Variants in PCDHA4 observed in about 807,000 individuals in gnomAD.
The protein encoded by PCDHA4 is protocadherin alpha-4.
A neutral mutation model predicts 61.4 loss-of-function variants in PCDHA4; 49 were observed. The observed-to-expected ratio is 0.80, with a 90% confidence interval of 0.63 to 1.01. The LOEUF is 1.01. Ranked by LOEUF, PCDHA4 falls within the 50% of genes least tolerant of loss-of-function variation. The pLI is 0.00. For missense variants in PCDHA4, 1,254 were observed against 1,235.8 expected (o/e 1.01, Z -0.22); for synonymous variants, 590 against 550.3 (o/e 1.07, Z -1.01).
At chr5:140,961,981 T>G (rs1408145304) in intron 1 of PCDHA4, among the ~76,000 whole-genome samples, 1 of 152,076 alleles carries the variant, frequency 6.6e-6, no homozygotes, top group African/African-American at 2.4e-5. Context: ...CCTCCTGGGT[T>G]CACGCCATTG....
chr5:140,887,043 A>G (rs1459489169), intron 1 of PCDHA4, among the ~76,000 whole-genome samples: 1 of 151,986 alleles, frequency 6.6e-6, no homozygotes, highest in Admixed American at 6.6e-5. Context: ...TATTTTTTAT[A>G]GTGCATATGT....
chr5:140,991,172 G>T (rs2097436221), intron 3 of PCDHA4, among the ~76,000 whole-genome samples: 1 of 152,160 alleles, frequency 6.6e-6, no homozygotes, highest in Non-Finnish European at 1.5e-5. Flanking sequence ...CCATTGTCAA[G>T]CAGGATGCCT....
chr5:140,903,955 A>G (rs536986744), intron 1 of PCDHA4, among the ~76,000 whole-genome samples: 1 of 152,308 alleles, frequency 6.6e-6, no homozygotes, highest in Non-Finnish European at 1.5e-5. Context: ...CTGGAAAATT[A>G]TTTGTTGATT....
In PCDHA4 at chr5:140,927,241, A is replaced by T. The variant is rs781911240; in HGVS notation, c.2386-51708A>T. The stretch of plus-strand genomic sequence containing the variant: ...CAAGATTCGGATTCACGTCCTGGAC[A>T]CCAATGACAACTCACCTCTCTTTCC... On this transcript the variant is annotated intron_variant, in intron 1 of 3. Coordinates refer to ENST00000530339, the MANE Select transcript of PCDHA4 (RefSeq NM_018907.4). 3 of 1,613,966 alleles carry T rather than the reference A, an allele frequency of 1.9e-6. No homozygotes were observed. The Admixed American group carries it at 5.0e-5, about 27-fold the overall frequency.
intron 1 of PCDHA4, chr5:140,858,182 A>T: frequency 6.3e-7 from 1 of 1,597,504 alleles, no homozygotes. Flanking sequence ...GCTGGTGCTC[A>T]CGCTGCTGCT....
intron 1 of PCDHA4, chr5:140,864,797 G>C (rs868909450): frequency 1.3e-5 from 2 of 152,026 alleles, no homozygotes; most frequent in Non-Finnish European, 2.9e-5. Flanking sequence ...AATATTTTAG[G>C]GTAGGAAAAT....
At chr5:140,967,579 C>G in intron 1 of PCDHA4, 7 of 1,614,154 alleles carry the variant, frequency 4.3e-6, no homozygotes, top group South Asian at 1.1e-5. Context: ...AGGACTCACC[C>G]CCAGGCACAT....
Position 140,808,437 on chromosome 5 carries a change from G to C in PCDHA4, c.1250G>C (p.Ser417Thr). Residue 417 changes from serine to threonine, a missense_variant, in exon 1 of 4, where the codon AGC becomes ACC. By Grantham distance (58) the Ser-to-Thr change is moderately conservative (BLOSUM62 1). Transcript: ENST00000530339. Reference protein sequence around the residue: ...LVLDSALDRESVSAYELVVTA... With the variant: ...LVLDSALDRETVSAYELVVTA... ...CTGGACAGTGCCCTGGACCGCGAGA[G>C]CGTGTCAGCCTATGAGCTGGTGGTG... The C allele has an allele frequency of 6.2e-7, 1 of 1,614,178 alleles. No homozygotes were observed. Among genetic ancestry groups the C allele is most frequent in the Non-Finnish European group, 8.5e-7 (1 of 1,180,052 alleles).
At chr5:140,948,784 T>C (rs1486580473) in intron 1 of PCDHA4, among the ~76,000 whole-genome samples, 6 of 151,646 alleles carry the variant, frequency 4.0e-5, no homozygotes, top group African/African-American at 1.4e-4. Flanking sequence ...CTTTTGGCTT[T>C]GTTGATATAT....
chr5:140,888,324 T>C (rs1191192546), intron 1 of PCDHA4, among the ~76,000 whole-genome samples: 1 of 152,152 alleles, frequency 6.6e-6, no homozygotes, highest in East Asian at 1.9e-4. Flanking sequence ...CCTGGATACA[T>C]TTTTGGTTAT....
intron 1 of PCDHA4, among the ~76,000 whole-genome samples, chr5:140,901,267 T>G (rs2153472974): frequency 6.6e-6 from 1 of 152,344 alleles, no homozygotes; most frequent in East Asian, 1.9e-4. Context: ...TTGTGGGGTA[T>G]TACTCAAGAA....
chr5:141,009,132 G>A (rs2098400947), intron 3 of PCDHA4, among the ~76,000 whole-genome samples: 1 of 152,204 alleles, frequency 6.6e-6, no homozygotes, highest in African/African-American at 2.4e-5. Flanking sequence ...GTATCCTGGT[G>A]AAAAAACCTG....
chr5:140,827,472 T>G (rs2150147765), intron 1 of PCDHA4, among the ~76,000 whole-genome samples: 59 of 152,234 alleles, frequency 3.9e-4, no homozygotes, highest in Non-Finnish European at 6.9e-4. Flanking sequence ...TGATATTTAT[T>G]GAACAAAGAA....
At chr5:140,834,407 C>T (rs1554134157) in intron 1 of PCDHA4, 1 of 1,609,944 alleles carries the variant, frequency 6.2e-7, no homozygotes, top group East Asian at 2.2e-5. Context: ...ATGGATACGA[C>T]CCAGGGGGCC....
Position 140,807,199 on chromosome 5 carries a change from C to A in PCDHA4, c.12C>A (p.Ser4=). The A allele has an allele frequency of 6.2e-7, 1 of 1,613,498 alleles. No homozygotes were observed. The highest frequency in any genetic ancestry group is 8.5e-7 in the Non-Finnish European group (1 of 1,179,680). ...ACTGTGCACTAAAGATGGAGTTTTCCTGGGGAAGCGGCCAGGAATCCCGGC... is the reference window on the plus strand; with the variant it reads ...ACTGTGCACTAAAGATGGAGTTTTCATGGGGAAGCGGCCAGGAATCCCGGC... The part of the protein sequence containing the change: MEF[S]WGSGQESRRL... The change falls in exon 1 of 4, where the codon TCC becomes TCA. Residue 4 remains serine (S), a synonymous_variant. Coordinates refer to ENST00000530339, the MANE Select transcript of PCDHA4 (RefSeq NM_018907.4).
At chr5:140,823,018 G>A in intron 1 of PCDHA4, 1 of 1,614,236 alleles carries the variant, frequency 6.2e-7, no homozygotes, top group East Asian at 2.2e-5. Context: ...CCTGGACCGC[G>A]AGAGCGTGTC....
intron 1 of PCDHA4, chr5:140,861,660 G>A: frequency 3.7e-6 from 1 of 269,190 alleles, no homozygotes; most frequent in Non-Finnish European, 7.4e-6. Context: ...TCTGAAACGA[G>A]AGCTCTTGAT....
At position 140,808,956 on chromosome 5, in the gene PCDHA4, T is replaced by C. The variant is rs781916233; in HGVS notation, c.1769T>C (p.Val590Ala). Reference sequence around the variant, plus strand: ...CCATGGTCGGTGGGTGTGGGCCACGTGGTGGCAAAGGTGCGCGCGGTGGAT... The same window carrying C: ...CCATGGTCGGTGGGTGTGGGCCACGCGGTGGCAAAGGTGCGCGCGGTGGAT... ...LVPWSVGVGH[V>A]VAKVRAVDAD... is the part of the protein sequence containing the mutation. Residue 590 changes from valine (V) to alanine (A), a missense_variant, in exon 1 of 4, where the codon GTG (valine) becomes GCG (alanine). Coordinates refer to ENST00000530339, the MANE Select transcript of PCDHA4 (RefSeq NM_018907.4). The C allele has an allele frequency of 1.2e-5, 19 of 1,613,408 alleles. No individual in the cohort carries two copies. In the Admixed American group the frequency reaches 2.3e-4, roughly 20 times the overall value.
chr5:140,857,971 G>C (rs1554150955), intron 1 of PCDHA4: 3 of 1,596,810 alleles, frequency 1.9e-6, no homozygotes, highest in Non-Finnish European at 2.6e-6. Flanking sequence ...AGACTGACTC[G>C]CCACGCCAGC....
Sources: gnomAD v4.1 joint callset for allele counts (sites outside exome capture counted in the v4.1 genomes callset) on GRCh38, gnomAD v4.1.1 for gene constraint, MANE v1.5 for transcripts, NCBI Gene and HGNC (gene_info 2026-07-23, HGNC 2026-07-21) for gene names.